PCDH15: variants seen among roughly 807,000 people sequenced by gnomAD.
PCDH15 encodes protocadherin related 15.
In PCDH15, 129 loss-of-function variants were observed where a neutral mutation model predicts 178.5. That is an observed-to-expected ratio of 0.72 (90% CI 0.63 to 0.84). The LOEUF is 0.84. Among genes scored for constraint, PCDH15 ranks in the 40% least tolerant of loss-of-function variants. The pLI, the probability that PCDH15 is intolerant of heterozygous loss-of-function variation, is 0.00. For synonymous variants in PCDH15, 800 were observed against 732.0 expected (o/e 1.09, Z -1.50); for missense variants, 2,230 against 2,099.9 (o/e 1.06, Z -1.21).
At chr10:55,538,033 C>T (rs544910442) in intron 2 of PCDH15, among the ~76,000 whole-genome samples, 24 of 152,138 alleles carry the variant, frequency 1.6e-4, no homozygotes, top group Non-Finnish European at 3.1e-4. Context: ...AATTAGAACT[C>T]ATTACATAGA....
At chr10:54,043,210 A>T (rs2135534186) in intron 18 of PCDH15, among the ~76,000 whole-genome samples, 1 of 152,264 alleles carries the variant, frequency 6.6e-6, no homozygotes, top group East Asian at 1.9e-4. Flanking sequence ...TAAATATAAC[A>T]AAGGTGTTGA....
At chr10:55,553,965 T>C (rs1014950743) in intron 2 of PCDH15, among the ~76,000 whole-genome samples, 1 of 152,046 alleles carries the variant, frequency 6.6e-6, no homozygotes, top group African/African-American at 2.4e-5. Context: ...GAACCAAGTT[T>C]TAACATGTAG....
chr10:54,296,694 G>C (rs1461597011), intron 8 of PCDH15, among the ~76,000 whole-genome samples: 3 of 152,058 alleles, frequency 2.0e-5, no homozygotes, highest in African/African-American at 7.2e-5. Flanking sequence ...TGGAATTTTA[G>C]GACCCCTCCT....
chr10:54,941,222 A>T (rs560699859), intron 2 of PCDH15, among the ~76,000 whole-genome samples: 156 of 152,210 alleles, frequency 1.0e-3, no homozygotes, highest in African/African-American at 2.0e-3. Flanking sequence ...CTTATTTTAA[A>T]CTACTTCACC....
chr10:54,326,840 T>C (rs772183452), intron 7 of PCDH15, among the ~76,000 whole-genome samples: 28 of 152,198 alleles, frequency 1.8e-4, no homozygotes, highest in Non-Finnish European at 4.0e-4. Flanking sequence ...AATTATTTGT[T>C]CTTAAAACTT....
chr10:54,375,766 C>CATATATATATAT (rs373857140), intron 4 of PCDH15, among the ~76,000 whole-genome samples: 2 of 110,736 alleles, frequency 1.8e-5, no homozygotes, highest in African/African-American at 7.0e-5. Context: ...ATATTCAGAG[C>CATATATATATAT]ATATATATAT....
chr10:54,858,583 G>A (rs1953782495), intron 3 of PCDH15, among the ~76,000 whole-genome samples: 1 of 151,988 alleles, frequency 6.6e-6, no homozygotes, highest in Non-Finnish European at 1.5e-5. Flanking sequence ...GCATGGGAGT[G>A]CTTCTTTGTT....
chr10:53,884,027 AAAAAC>A (rs1554843461), intron 26 of PCDH15, among the ~76,000 whole-genome samples: 1 of 151,488 alleles, frequency 6.6e-6, no homozygotes, highest in African/African-American at 2.4e-5. Context: ...GTTTTTGTAA[AAAAAC>A]AAAACAAAAC....
rs147364002 is a variant in PCDH15 at position 55,125,604 on chromosome 10, T to C, written c.-80+40972A>G. On this transcript the variant is annotated intron_variant, in intron 2 of 5. Transcript: ENST00000458638. Reference sequence around the variant, plus strand: ...CTAGTGTTGACCAGTAGTAGTCTTGTCTATTGGATGAAAAATCTATATCCA... The same window carrying C: ...CTAGTGTTGACCAGTAGTAGTCTTGCCTATTGGATGAAAAATCTATATCCA... Among the ~76,000 whole-genome samples, 517 of 152,158 alleles carry C rather than the reference T, an allele frequency of 3.4e-3. 2 individuals carry two copies. The highest frequency in any genetic ancestry group is 0.025 in the South Asian group (119 of 4,820).
chr10:55,034,529 G>A (rs1316663261), intron 2 of PCDH15, among the ~76,000 whole-genome samples: 14 of 151,942 alleles, frequency 9.2e-5, no homozygotes, highest in Admixed American at 8.5e-4. Context: ...CCTACTATAC[G>A]CCAACCAGTA....
intron 25 of PCDH15, among the ~76,000 whole-genome samples, chr10:53,925,410 A>G (rs577769839): frequency 6.6e-5 from 10 of 152,270 alleles, no homozygotes; most frequent in African/African-American, 2.4e-4. Flanking sequence ...GAAACTCCGA[A>G]CACGCCCGAA....
chr10:54,595,190 G>A (rs575741023), intron 2 of PCDH15, among the ~76,000 whole-genome samples: 3 of 152,312 alleles, frequency 2.0e-5, no homozygotes, highest in South Asian at 4.1e-4. Flanking sequence ...TGCTTTGGCT[G>A]GGAGTAGCCA....
chr10:53,865,251 G>A (rs999626956), intron 27 of PCDH15, among the ~76,000 whole-genome samples: 11 of 152,182 alleles, frequency 7.2e-5, no homozygotes, highest in African/African-American at 2.4e-4. Context: ...AAGAAAGCAA[G>A]AAAGTTAAAT....
intron 28 of PCDH15, among the ~76,000 whole-genome samples, chr10:53,841,604 G>C (rs1279941743): frequency 6.6e-6 from 1 of 152,190 alleles, no homozygotes; most frequent in Non-Finnish European, 1.5e-5. Context: ...ACCAATCATA[G>C]TGAAATGTTT....
At chr10:54,059,052 C>A (rs2093960542) in intron 18 of PCDH15, among the ~76,000 whole-genome samples, 1 of 152,132 alleles carries the variant, frequency 6.6e-6, no homozygotes, top group Admixed American at 6.5e-5. Context: ...CCCCATCCTC[C>A]ACCACCACCA....
intron 3 of PCDH15, among the ~76,000 whole-genome samples, chr10:54,450,665 T>C (rs1053476467): frequency 1.3e-5 from 2 of 151,736 alleles, no homozygotes; most frequent in African/African-American, 4.8e-5. Flanking sequence ...CTTTACTCAG[T>C]TATATAGCGT....
chr10:54,651,160 G>T (rs2094251195), intron 2 of PCDH15, among the ~76,000 whole-genome samples: 1 of 151,998 alleles, frequency 6.6e-6, no homozygotes, highest in African/African-American at 2.4e-5. Flanking sequence ...TTACGAGAAA[G>T]AAAAGGGCAA....
intron 21 of PCDH15, among the ~76,000 whole-genome samples, chr10:53,981,109 TTAAAA>T (rs1389020623): frequency 8.5e-5 from 13 of 152,116 alleles, no homozygotes; most frequent in African/African-American, 3.1e-4. Context: ...CATTAGATTT[TTAAAA>T]TAAAAATGTG....
chr10:55,039,125 C>T (rs553750510), intron 2 of PCDH15, among the ~76,000 whole-genome samples: 17 of 152,000 alleles, frequency 1.1e-4, no homozygotes, highest in African/African-American at 3.4e-4. Context: ...TCCCAGGTTC[C>T]GATCCAAACC....
Sources: allele counts gnomAD v4.1 joint callset (sites outside exome capture counted in the v4.1 genomes callset), GRCh38; gene constraint gnomAD v4.1.1; transcripts MANE v1.5; gene names NCBI Gene and HGNC (gene_info 2026-07-23, HGNC 2026-07-21).